FAM184A: variants seen among roughly 807,000 people sequenced by gnomAD.
FAM184A encodes family with sequence similarity 184 member A, also known as protein FAM184A.
FAM184A carries 99 observed loss-of-function variants against 143.8 expected under a neutral mutation model. That is an observed-to-expected ratio of 0.69 (90% CI 0.58 to 0.81). The LOEUF (loss-of-function observed/expected upper bound fraction) is 0.81. Ranked by LOEUF, FAM184A falls within the 40% of genes least tolerant of loss-of-function variation. The pLI, the probability that FAM184A is intolerant of heterozygous loss-of-function variation, is 0.00. For synonymous variants in FAM184A, 427 were observed against 446.4 expected (o/e 0.96, Z 0.55); for missense variants, 1,217 against 1,310.5 (o/e 0.93, Z 1.10).
chr6:119,136,473 G>A (rs565936289), intron 1 of FAM184A, among the ~76,000 whole-genome samples: 27 of 152,112 alleles, frequency 1.8e-4, no homozygotes, highest in Admixed American at 8.5e-4. Context: ...AATTGGCAGC[G>A]CAGATTTGAT....
intron 8 of FAM184A, 104 bp from the exon 9 acceptor site, chr6:119,003,153 A>G: frequency 9.6e-7 from 1 of 1,040,746 alleles, no homozygotes; most frequent in African/African-American, 1.6e-5. Context: ...CCTCTTCAAA[A>G]GTCTATGATG....
At chr6:119,088,831 A>G (rs866200106) in intron 1 of FAM184A, among the ~76,000 whole-genome samples, 5 of 152,214 alleles carry the variant, frequency 3.3e-5, no homozygotes, top group Admixed American at 6.5e-5. Context: ...CACACAAATA[A>G]GGAAAACATT....
chr6:119,057,520 C>T (rs960027863), intron 1 of FAM184A, among the ~76,000 whole-genome samples: 2 of 152,156 alleles, frequency 1.3e-5, no homozygotes, highest in African/African-American at 4.8e-5. Flanking sequence ...AAGAGGATTG[C>T]CTGAGGTCAG....
At chr6:118,971,275 T>C (rs915885993) in intron 14 of FAM184A, among the ~76,000 whole-genome samples, 1 of 152,200 alleles carries the variant, frequency 6.6e-6, no homozygotes, top group African/African-American at 2.4e-5. Context: ...TTGGGTATTA[T>C]AGATGAAAGG....
At chr6:119,098,813 C>T (rs1037951547) in intron 1 of FAM184A, among the ~76,000 whole-genome samples, 6 of 152,144 alleles carry the variant, frequency 3.9e-5, no homozygotes, top group African/African-American at 1.2e-4. Context: ...TTCTGAAAAA[C>T]AACTCAGGTA....
intron 1 of FAM184A, among the ~76,000 whole-genome samples, chr6:119,037,945 C>T (rs941221340): frequency 6.6e-6 from 1 of 152,048 alleles, no homozygotes; most frequent in Non-Finnish European, 1.5e-5. Flanking sequence ...TATGTGAGGA[C>T]AGAAAGCAAA....
chr6:119,079,005 C>T (rs1282421170), upstream of FAM184A: 2 of 152,276 alleles, frequency 1.3e-5, no homozygotes, highest in East Asian at 1.9e-4. Context: ...CTGTAATCAC[C>T]TTCGGTTAGC....
intron 14 of FAM184A, among the ~76,000 whole-genome samples, chr6:118,971,048 G>A (rs1447496114): frequency 1.3e-5 from 2 of 152,052 alleles, no homozygotes; most frequent in Non-Finnish European, 2.9e-5. Flanking sequence ...CTATAACTTT[G>A]ATTTTATAAA....
chr6:119,117,958 T>C (rs1248905604), intron 1 of FAM184A, among the ~76,000 whole-genome samples: 3 of 152,074 alleles, frequency 2.0e-5, no homozygotes, highest in Non-Finnish European at 4.4e-5. Context: ...ACCAGAGAGC[T>C]GGAGGCAGGG....
intron 1 of FAM184A, among the ~76,000 whole-genome samples, chr6:119,107,143 A>C (rs867057906): frequency 1.3e-5 from 2 of 152,240 alleles, no homozygotes; most frequent in African/African-American, 4.8e-5. Flanking sequence ...TATAAGCTGC[A>C]TATGAAAATA....
In FAM184A at chr6:119,040,974, T is replaced by C. The variant is rs117905856; in HGVS notation, c.160-16161A>G. On this transcript the variant is annotated intron_variant, in intron 1 of 17. Transcript: ENST00000338891. ...CAAGGGCTGCTGTTTTTGCAAGCATTTGAGGGGTTTCCATGCGTGTTCCTT... is the reference window on the plus strand; with the variant it reads ...CAAGGGCTGCTGTTTTTGCAAGCATCTGAGGGGTTTCCATGCGTGTTCCTT... 3.3e-3 allele frequency among the ~76,000 whole-genome samples: 503 copies of C among 152,266 alleles called. 3 individuals carry two copies. Among genetic ancestry groups the C allele is most frequent in the Middle Eastern group, 0.027 (8 of 294 alleles).
At chr6:119,061,720 G>A (rs560119791) in intron 1 of FAM184A, among the ~76,000 whole-genome samples, 7 of 151,726 alleles carry the variant, frequency 4.6e-5, no homozygotes, top group East Asian at 1.9e-4. Context: ...AGTTTGTTCA[G>A]CATGAAATAA....
At chr6:119,079,616 C>T (rs1582596673), upstream of FAM184A, among the ~76,000 whole-genome samples, 2 of 152,248 alleles carry the variant, frequency 1.3e-5, no homozygotes, top group South Asian at 4.1e-4. Flanking sequence ...ACTTTAAAAA[C>T]GTAGAATTGT....
intron 1 of FAM184A, among the ~76,000 whole-genome samples, chr6:119,109,375 C>G (rs1365838029): frequency 6.6e-6 from 1 of 152,216 alleles, no homozygotes; most frequent in Non-Finnish European, 1.5e-5. Flanking sequence ...GCCTCTCTCA[C>G]AGTCACTCTC....
At chr6:119,103,835 G>T (rs1788706473) in intron 1 of FAM184A, among the ~76,000 whole-genome samples, 1 of 150,940 alleles carries the variant, frequency 6.6e-6, no homozygotes, top group South Asian at 2.1e-4. Context: ...GCTGAGGCAG[G>T]AGAATTGCTT....
At chr6:119,097,502 T>C (rs1191486121) in intron 1 of FAM184A, among the ~76,000 whole-genome samples, 2 of 152,196 alleles carry the variant, frequency 1.3e-5, no homozygotes, top group East Asian at 1.9e-4. Context: ...AGCAGTTTAT[T>C]TGGGAGGTTG....
intron 14 of FAM184A, among the ~76,000 whole-genome samples, chr6:118,972,651 A>C (rs1783730569): frequency 6.6e-6 from 1 of 152,242 alleles, no homozygotes; most frequent in Non-Finnish European, 1.5e-5. Context: ...CCTACTGAAG[A>C]TTCATAATGT....
At chr6:119,080,732 G>A (rs1788038890), upstream of FAM184A, among the ~76,000 whole-genome samples, 1 of 152,034 alleles carries the variant, frequency 6.6e-6, no homozygotes, top group Non-Finnish European at 1.5e-5. Context: ...GTGTTGTGTT[G>A]GCACTCAACA....
chr6:118,979,480 C>G lies in FAM184A; in HGVS notation c.2340G>C (p.Glu780Asp), dbSNP rs1783952980. 6.2e-7 allele frequency: 1 copy of G among 1,613,348 alleles called. No homozygotes were observed. The highest frequency in any genetic ancestry group is 1.1e-5 in the South Asian group (1 of 90,896). ...ENHLQQKHSAELQSLKDAHRE... is the reference protein window; with the variant it reads ...ENHLQQKHSADLQSLKDAHRE... ...TGTGTGCATCTTTTAGTGATTGAAG[C>G]TCTGCAGAATGCTTCTGTTGTAAAT... is the stretch of plus-strand genomic sequence containing the variant. The change falls in exon 11 of 18, where the codon GAG becomes GAC. Residue 780 changes from glutamate to aspartate, a missense_variant. Physicochemically the swap from Glu to Asp is conservative, Grantham distance 45. Coordinates refer to ENST00000338891, the MANE Select transcript of FAM184A (RefSeq NM_024581.6).
Sources: allele counts gnomAD v4.1 joint callset (sites outside exome capture counted in the v4.1 genomes callset), GRCh38; gene constraint gnomAD v4.1.1; transcripts MANE v1.5; gene names NCBI Gene and HGNC (gene_info 2026-07-23, HGNC 2026-07-21).